ARHGAP6: variants seen among roughly 807,000 people sequenced by gnomAD.
ARHGAP6 encodes rho GTPase-activating protein 6.
ARHGAP6 carries 16 observed loss-of-function variants against 55.7 expected under a neutral mutation model. The observed-to-expected ratio is 0.29, with a 90% CI of 0.19 to 0.44. The LOEUF is 0.44. Among genes scored for constraint, ARHGAP6 ranks in the 20% least tolerant of loss-of-function variants. The pLI is 1.00. For synonymous variants in ARHGAP6, 382 were observed against 360.9 expected, an observed-to-expected ratio of 1.06 and a Z score of -0.66; for missense variants, 698 against 808.9, an observed-to-expected ratio of 0.86 and a Z score of 1.66.
intron 2 of ARHGAP6, among the ~76,000 whole-genome samples, chrX:11,210,058 C>T (rs1006218301): frequency 3.6e-5 from 4 of 112,631 alleles, no homozygotes; most frequent in African/African-American, 1.3e-4. Flanking sequence ...TAGCAAGTGG[C>T]AATGACCATC....
At chrX:11,358,242 T>C (rs938123996) in intron 1 of ARHGAP6, among the ~76,000 whole-genome samples, 9 of 112,083 alleles carry the variant, frequency 8.0e-5, no homozygotes, top group African/African-American at 2.9e-4. Flanking sequence ...TATTCTTCTG[T>C]ATTGATATAT....
chrX:11,343,084 T>A (rs2048727041), intron 1 of ARHGAP6, among the ~76,000 whole-genome samples: 1 of 112,528 alleles, frequency 8.9e-6, no homozygotes, highest in Non-Finnish European at 1.9e-5. Context: ...ATTTTAGATA[T>A]CCCATCCACC....
chrX:11,247,074 C>G (rs2047363506), intron 2 of ARHGAP6, among the ~76,000 whole-genome samples: 1 of 111,766 alleles, frequency 8.9e-6, no homozygotes, highest in South Asian at 3.7e-4. Flanking sequence ...TTCCTTATTT[C>G]ATTGAGTTGT....
At chrX:11,262,093 C>T (rs2047569639) in intron 1 of ARHGAP6, among the ~76,000 whole-genome samples, 1 of 111,832 alleles carries the variant, frequency 8.9e-6, no homozygotes, top group Non-Finnish European at 1.9e-5. Flanking sequence ...ATATATCATG[C>T]ATTACTATGT....
intron 1 of ARHGAP6, among the ~76,000 whole-genome samples, chrX:11,571,450 A>G (rs746994735): frequency 9.0e-6 from 1 of 110,780 alleles, no homozygotes; most frequent in East Asian, 2.8e-4. Context: ...TTACTAAATT[A>G]AATACTAATC....
chrX:11,248,205 T>G (rs757464777), intron 2 of ARHGAP6, among the ~76,000 whole-genome samples: 3 of 111,194 alleles, frequency 2.7e-5, no homozygotes, highest in Non-Finnish European at 3.8e-5. Flanking sequence ...AGTTTGCCCT[T>G]CTCACCCCAT....
intron 2 of ARHGAP6, among the ~76,000 whole-genome samples, chrX:11,231,643 A>G (rs1444871572): frequency 8.9e-6 from 1 of 112,101 alleles, no homozygotes; most frequent in Non-Finnish European, 1.9e-5. Flanking sequence ...ATCACAAAAT[A>G]CTTGACTCAC....
At chrX:11,359,386 C>G (rs1490931178) in intron 1 of ARHGAP6, among the ~76,000 whole-genome samples, 2 of 112,076 alleles carry the variant, frequency 1.8e-5, no homozygotes, top group African/African-American at 6.5e-5. Context: ...AATAAGAGGA[C>G]ATTATGTTTA....
rs779249152 is a variant in ARHGAP6, at chrX:11,393,207, GT to G, written c.589-138501del. Among the ~76,000 whole-genome samples, 6 of 111,094 alleles carry G rather than the reference GT, an allele frequency of 5.4e-5. No homozygotes were observed. The East Asian group carries it at 1.1e-3, about 21-fold the overall frequency. On this transcript the variant is annotated intron_variant, in intron 1 of 12. Transcript: ENST00000337414. ...ACAAATCTATTCAAGAGCAATTTAA[GT>G]TTTTTAGTCTTTAATTTTTCCTATT... is the stretch of plus-strand genomic sequence containing the variant.
At chrX:11,609,476 C>A (rs1335216896) in intron 1 of ARHGAP6, among the ~76,000 whole-genome samples, 1 of 111,363 alleles carries the variant, frequency 9.0e-6, no homozygotes, top group East Asian at 2.8e-4. Flanking sequence ...GAGGCATTAA[C>A]CCCGCTTGAC....
chrX:11,531,938 ATTGTGCTGGTAAT>A (rs2051053856), intron 1 of ARHGAP6, among the ~76,000 whole-genome samples: 1 of 112,428 alleles, frequency 8.9e-6, no homozygotes, highest in African/African-American at 3.2e-5. Flanking sequence ...CTCAGGCCCC[ATTGTGCTGGTAAT>A]ATTTACCAGA....
intron 1 of ARHGAP6, among the ~76,000 whole-genome samples, chrX:11,648,186 C>G (rs980676137): frequency 9.0e-6 from 1 of 111,690 alleles, no homozygotes; most frequent in African/African-American, 3.3e-5. Context: ...TAATAAATGT[C>G]TACAGTGGTA....
At chrX:11,281,491 A>T (rs1199129665) in intron 1 of ARHGAP6, among the ~76,000 whole-genome samples, 2 of 110,646 alleles carry the variant, frequency 1.8e-5, no homozygotes, top group Non-Finnish European at 3.8e-5. Context: ...AACATAAAAA[A>T]CCTAAGTGTC....
At chrX:11,497,074 C>G (rs748931189) in intron 1 of ARHGAP6, among the ~76,000 whole-genome samples, 1 of 111,621 alleles carries the variant, frequency 9.0e-6, no homozygotes, top group Non-Finnish European at 1.9e-5. Context: ...CTTTCTTCTG[C>G]TTTGGCTTCA....
At chrX:11,438,528 A>G (rs1271291391) in intron 1 of ARHGAP6, among the ~76,000 whole-genome samples, 1 of 112,829 alleles carries the variant, frequency 8.9e-6, no homozygotes, top group Non-Finnish European at 1.9e-5. Flanking sequence ...AATGTTTGCT[A>G]TTATTACACA....
At chrX:11,267,418 G>A (rs1047230411) in intron 1 of ARHGAP6, among the ~76,000 whole-genome samples, 4 of 111,652 alleles carry the variant, frequency 3.6e-5, no homozygotes, top group South Asian at 3.8e-4. Flanking sequence ...AAACAGAAGC[G>A]CAGAGGAGTT....
intron 1 of ARHGAP6, among the ~76,000 whole-genome samples, chrX:11,371,055 T>C (rs1245033535): frequency 8.9e-6 from 1 of 112,191 alleles, no homozygotes; most frequent in African/African-American, 3.2e-5. Flanking sequence ...TGATGGATAA[T>C]TCTCAAAATC....
chrX:11,392,273 C>A (rs2049416199), intron 1 of ARHGAP6, among the ~76,000 whole-genome samples: 1 of 111,839 alleles, frequency 8.9e-6, no homozygotes, highest in Non-Finnish European at 1.9e-5. Context: ...AAGGCTCTTT[C>A]AGCAGAGTTC....
intron 1 of ARHGAP6, among the ~76,000 whole-genome samples, chrX:11,316,202 T>C (rs901368904): frequency 2.7e-5 from 3 of 112,265 alleles, no homozygotes; most frequent in African/African-American, 9.7e-5. Context: ...AGTAAAGACA[T>C]AGGTTCTGCA....
Sources: gnomAD v4.1 joint callset for allele counts (sites outside exome capture counted in the v4.1 genomes callset) on GRCh38, gnomAD v4.1.1 for gene constraint, MANE v1.5 for transcripts, NCBI Gene and HGNC (gene_info 2026-07-23, HGNC 2026-07-21) for gene names.